The following MYO7A variants were observed in gnomAD, a reference collection of about 807,000 sequenced individuals.
MYO7A encodes the protein myosin VIIA, also known as unconventional myosin-VIIa.
In MYO7A, 210 loss-of-function variants were observed where a neutral mutation model predicts 263.8. That is an observed-to-expected ratio of 0.80 (90% CI 0.71 to 0.89). The LOEUF (loss-of-function observed/expected upper bound fraction) is 0.89, where lower values mean the gene tolerates loss of function less well. Among genes scored for constraint, MYO7A ranks in the 40% least tolerant of loss-of-function variants. MYO7A has a pLI of 0.00. For synonymous variants in MYO7A, 1,239 were observed against 1,197.3 expected, an observed-to-expected ratio of 1.03 and a Z score of -0.72; for missense variants, 2,820 against 2,968.3, an observed-to-expected ratio of 0.95 and a Z score of 1.16.
Position 77,172,834 on chromosome 11 carries a change from C to CCA in MYO7A, c.1885_1886dup (p.Gln629HisfsTer34). 1 of 1,552,514 alleles carries CCA rather than the reference C, an allele frequency of 6.4e-7. No individual in the cohort carries two copies. The highest frequency in any genetic ancestry group is 1.2e-5 in the South Asian group (1 of 84,076). On this transcript the variant is annotated frameshift_variant, in exon 16 of 49. Coordinates refer to ENST00000409709, the MANE Select transcript of MYO7A (RefSeq NM_000260.4). LOFTEE classifies it high-confidence loss of function. ...TGCTGATGCGCACGCTGGGTGCCTG[C>CCA]CAGCCCTTCTTTGTGCGATGCATCA... is the stretch of plus-strand genomic sequence containing the variant.
Position 77,190,070 on chromosome 11 carries a change from T to G in MYO7A, c.3681T>G (p.Cys1227Trp). The G allele has an allele frequency of 6.3e-7, 1 of 1,577,776 alleles. No individual in the cohort carries two copies. ...GCCCGCCCGGCTACGCCCCGTACTGTGAGGAGCGCCTGAGAAGGACCTTTG... is the reference window on the plus strand; with the variant it reads ...GCCCGCCCGGCTACGCCCCGTACTGGGAGGAGCGCCTGAGAAGGACCTTTG... ...HGGPPGYAPY[C>W]EERLRRTFVN... The change falls in exon 29 of 49, where the codon TGT (cysteine) becomes TGG (tryptophan). Residue 1227 changes from cysteine (C) to tryptophan (W), a missense_variant. Coordinates refer to ENST00000409709, the MANE Select transcript of MYO7A (RefSeq NM_000260.4).
intron 47 of MYO7A, among the ~76,000 whole-genome samples, chr11:77,213,633 C>T (rs760652611): frequency 9.9e-5 from 15 of 152,124 alleles, no homozygotes; most frequent in African/African-American, 1.9e-4. Flanking sequence ...TCCCAATTTC[C>T]GAGTTCTGGC....
chr11:77,203,300 C>A, intron 38 of MYO7A, 83 bp downstream of exon 38: 1 of 1,441,896 alleles, frequency 6.9e-7, no homozygotes, highest in Non-Finnish European at 9.3e-7. Context: ...TCCTGAGGGC[C>A]TGCTGCGACC....
chr11:77,169,016 T>G (rs1438955250), intron 15 of MYO7A, among the ~76,000 whole-genome samples: 3 of 152,218 alleles, frequency 2.0e-5, no homozygotes, highest in African/African-American at 7.2e-5. Context: ...TCCATAAACG[T>G]CACATCTTAG....
chr11:77,179,214 A>G (rs1470345419), intron 20 of MYO7A, 85 bp downstream of exon 20: 1 of 1,240,792 alleles, frequency 8.1e-7, no homozygotes, highest in Non-Finnish European at 1.1e-6. Context: ...GCCTGCACCC[A>G]GGCAGCACAG....
rs121965079 is a variant in MYO7A, at chr11:77,156,069, C to A, written c.448C>A (p.Arg150=). 778 of 1,613,852 alleles carry A rather than the reference C, an allele frequency of 4.8e-4. 2 individuals are homozygous for A. The highest frequency in any genetic ancestry group is 1.8e-3 in the South Asian group (160 of 91,044). Residue 150 remains arginine, a synonymous_variant, in exon 5 of 49, where the codon CGA becomes AGA. Coordinates refer to ENST00000409709, the MANE Select transcript of MYO7A (RefSeq NM_000260.4). ...CTACTTCAACATGAAACGCAACAGC[C>A]GAGACCAGTGCTGCATCATCAGGTG... ...NCYFNMKRNS[R]DQCCIISGES...
intron 30 of MYO7A, 28 bp from the exon 31 acceptor site, chr11:77,192,023 C>T (rs114509954): frequency 1.9e-6 from 3 of 1,590,880 alleles, no homozygotes; most frequent in Non-Finnish European, 2.6e-6. Flanking sequence ...TGACTCTGTG[C>T]CTGCTCCCCT....
At chr11:77,191,044 A>C in intron 30 of MYO7A, 174 bp downstream of exon 30, 1 of 711,378 alleles carries the variant, frequency 1.4e-6, no homozygotes, top group East Asian at 2.8e-5. Context: ...GAACTCGGCC[A>C]GGTGCGGTGG....
intron 31 of MYO7A, 137 bp downstream of exon 31, chr11:77,192,415 G>C (rs1956163222): frequency 2.3e-6 from 2 of 858,266 alleles, no homozygotes; most frequent in South Asian, 1.6e-5. Context: ...CACTCTTCAG[G>C]CTCCTGGATG....
chr11:77,203,688 C>T (rs576403259), intron 38 of MYO7A, among the ~76,000 whole-genome samples: 12 of 152,222 alleles, frequency 7.9e-5, no homozygotes, highest in Non-Finnish European at 1.2e-4. Context: ...AGCAAGGCCC[C>T]GAGGCACACA....
intron 3 of MYO7A, among the ~76,000 whole-genome samples, chr11:77,145,577 C>T (rs1444891995): frequency 6.6e-6 from 1 of 151,984 alleles, no homozygotes; most frequent in Non-Finnish European, 1.5e-5. Context: ...AGGCAGGGAG[C>T]GGGGACCGCA....
chr11:77,152,996 AG>A (rs1239986402), intron 4 of MYO7A, among the ~76,000 whole-genome samples: 1 of 152,156 alleles, frequency 6.6e-6, no homozygotes, highest in Non-Finnish European at 1.5e-5. Flanking sequence ...GGCAGGAGCC[AG>A]GGCTTGGGGC....
chr11:77,190,978 C>T, intron 30 of MYO7A, 108 bp downstream of exon 30: 5 of 1,275,208 alleles, frequency 3.9e-6, no homozygotes, highest in South Asian at 3.0e-5. Context: ...TTGAGCACCT[C>T]GGTTTCCCCC....
intron 27 of MYO7A, among the ~76,000 whole-genome samples, chr11:77,188,790 C>T (rs1004102628): frequency 6.6e-6 from 1 of 152,226 alleles, no homozygotes; most frequent in Non-Finnish European, 1.5e-5. Context: ...TTACAAAAGT[C>T]ATACATGGCC....
chr11:77,213,964 C>T lies in MYO7A; in HGVS notation c.6543C>T (p.Leu2181=), dbSNP rs1243846983. Residue 2181 remains leucine (L), a synonymous_variant, in exon 48 of 49, where the codon CTC becomes CTT. Transcript: ENST00000409709. The part of the protein sequence containing the change: ...IGNLVRGSKL[L]CETSLGYKMD... ...ACTTGGTGCGCGGGAGCAAACTGCT[C>T]TGCGAGACGTCACTGGTGAGGGCGC... The T allele has an allele frequency of 6.2e-7, 1 of 1,613,962 alleles. No individual in the cohort carries two copies. Among genetic ancestry groups the T allele is most frequent in the Non-Finnish European group, 8.5e-7 (1 of 1,179,922 alleles).
intron 15 of MYO7A, among the ~76,000 whole-genome samples, chr11:77,167,630 T>C (rs1953677224): frequency 6.6e-6 from 1 of 152,152 alleles, no homozygotes; most frequent in Non-Finnish European, 1.5e-5. Context: ...AGCAACAGCA[T>C]GGTGCTGCCA....
chr11:77,157,446 GAGC>G, intron 8 of MYO7A, 54 bp downstream of exon 8: 1 of 1,282,476 alleles, frequency 7.8e-7, no homozygotes, highest in Non-Finnish European at 1.1e-6. Context: ...GGATTGTAGG[GAGC>G]TGGCTACTGC....
At chr11:77,165,074 G>A (rs1555071624) in intron 14 of MYO7A, among the ~76,000 whole-genome samples, 1 of 152,190 alleles carries the variant, frequency 6.6e-6, no homozygotes, top group Non-Finnish European at 1.5e-5. Flanking sequence ...CCCAGAATGG[G>A]GGTCTTTCTA....
intron 46 of MYO7A, chr11:77,212,200 C>T (rs1005227125): frequency 1.0e-5 from 6 of 596,916 alleles, no homozygotes; most frequent in Non-Finnish European, 1.9e-5. Flanking sequence ...GGCCTGTGTT[C>T]TGACACTGGG....
Sources: gnomAD v4.1 joint callset for allele counts (sites outside exome capture counted in the v4.1 genomes callset) on GRCh38, gnomAD v4.1.1 for gene constraint, MANE v1.5 for transcripts, NCBI Gene and HGNC (gene_info 2026-07-23, HGNC 2026-07-21) for gene names.